Variants in STRBP observed in about 807,000 individuals in gnomAD.
STRBP encodes the protein spermatid perinuclear RNA binding protein.
In STRBP, 13 loss-of-function variants were observed where a neutral mutation model predicts 80.1. The ratio of observed to expected loss-of-function variants is 0.16; its 90% CI spans 0.11 to 0.26. The LOEUF is 0.26. STRBP is among the 10% of genes least tolerant of loss of function. STRBP has a pLI of 1.00. For synonymous variants in STRBP, 284 were observed against 291.2 expected (o/e 0.98, Z 0.25); for missense variants, 485 against 815.2 (o/e 0.59, Z 4.93).
At chr9:123,245,413 G>A (rs1343562625) in intron 1 of STRBP, among the ~76,000 whole-genome samples, 2 of 152,148 alleles carry the variant, frequency 1.3e-5, no homozygotes, top group Admixed American at 6.5e-5. Context: ...TGTTTGAGAC[G>A]TTGTCTCGCT....
At chr9:123,192,776 C>A (rs1357599367) in intron 2 of STRBP, among the ~76,000 whole-genome samples, 5 of 152,138 alleles carry the variant, frequency 3.3e-5, no homozygotes, top group African/African-American at 1.2e-4. Context: ...CTATACTATT[C>A]CCATTTCAGC....
intron 14 of STRBP, among the ~76,000 whole-genome samples, chr9:123,137,239 A>G (rs891601439): frequency 5.3e-5 from 8 of 152,364 alleles, no homozygotes; most frequent in African/African-American, 1.9e-4. Flanking sequence ...GGCTAGCATC[A>G]AAAGCAAACT....
chr9:123,211,044 C>A (rs2039690507), intron 2 of STRBP, among the ~76,000 whole-genome samples: 1 of 152,146 alleles, frequency 6.6e-6, no homozygotes, highest in Non-Finnish European at 1.5e-5. Flanking sequence ...CCTAGGTATA[C>A]ACTAAGAGAA....
At chr9:123,116,487 G>A (rs1038007154) in intron 2 of STRBP, among the ~76,000 whole-genome samples, 3 of 152,162 alleles carry the variant, frequency 2.0e-5, no homozygotes, top group African/African-American at 2.4e-5. Context: ...AGGCTGCCTG[G>A]CCCAGGGCTG....
intron 1 of STRBP, among the ~76,000 whole-genome samples, chr9:123,245,388 T>TTTTG (rs955029398): frequency 4.7e-4 from 72 of 152,292 alleles, no homozygotes; most frequent in Middle Eastern, 3.4e-3. Context: ...TTTTTGTTGT[T>TTTTG]TTTGTTTGTT....
chr9:123,247,095 A>C (rs922589610), intron 1 of STRBP, among the ~76,000 whole-genome samples: 1 of 152,144 alleles, frequency 6.6e-6, no homozygotes, highest in Non-Finnish European at 1.5e-5. Context: ...AAAAAATACC[A>C]ATCAATGAAT....
chr9:123,255,803 C>T (rs996974404), intron 1 of STRBP, among the ~76,000 whole-genome samples: 11 of 152,114 alleles, frequency 7.2e-5, no homozygotes, highest in South Asian at 4.1e-4. Context: ...TCAGAATCAT[C>T]ATCACCTGTA....
At chr9:123,146,283 G>A (rs1344842976) in intron 13 of STRBP, among the ~76,000 whole-genome samples, 2 of 151,460 alleles carry the variant, frequency 1.3e-5, no homozygotes, top group East Asian at 1.9e-4. Context: ...TATTCCCGAT[G>A]GAAATATTCT....
At chr9:123,158,270 A>G in intron 10 of STRBP, 62 bp downstream of exon 10, 1 of 1,579,054 alleles carries the variant, frequency 6.3e-7, no homozygotes, top group South Asian at 1.1e-5. Context: ...TTTGAACACA[A>G]TTGAGAAAAT....
At chr9:123,141,466 C>T (rs1323856063) in intron 13 of STRBP, among the ~76,000 whole-genome samples, 1 of 152,166 alleles carries the variant, frequency 6.6e-6, no homozygotes, top group Non-Finnish European at 1.5e-5. Context: ...ACCTTCTCCA[C>T]TGTCTGAGTC....
intron 2 of STRBP, among the ~76,000 whole-genome samples, chr9:123,206,994 G>A (rs952722667): frequency 3.9e-5 from 6 of 152,066 alleles, no homozygotes; most frequent in African/African-American, 7.2e-5. Flanking sequence ...CCAACTTTCC[G>A]TTTTTCTGTG....
intron 8 of STRBP, among the ~76,000 whole-genome samples, 153 bp from the exon 9 acceptor site, chr9:123,159,360 A>T (rs749972190): frequency 2.0e-4 from 31 of 152,218 alleles, no homozygotes; most frequent in Non-Finnish European, 4.0e-4. Flanking sequence ...CATGATTATC[A>T]ACCTTTACCC....
intron 1 of STRBP, among the ~76,000 whole-genome samples, chr9:123,256,103 G>A (rs1358592619): frequency 7.1e-6 from 1 of 140,508 alleles, no homozygotes; most frequent in African/African-American, 2.6e-5. Context: ...AGCTCACTAC[G>A]GCTTTAACCT....
At position 123,126,500 on chromosome 9, in the gene STRBP, C is replaced by T. The variant is rs1002544931; in HGVS notation, c.1943-827G>A. Among the ~76,000 whole-genome samples, 2 of 151,614 alleles carry T rather than the reference C, an allele frequency of 1.3e-5. No individual in the cohort carries two copies. Among genetic ancestry groups the T allele is most frequent in the South Asian group, 2.1e-4 (1 of 4,794 alleles). On this transcript the variant is annotated intron_variant, in intron 18 of 18. Transcript: ENST00000348403. This position sits in a 1 kb window ranked among gnomAD's most constrained non-coding sequence, Gnocchi z 4.4. ...AGCTTTGGAAGTCAGTTATATGGCA[C>T]GTGGAAGAGAGGAGCTTTCTGATGT...
In STRBP at chr9:123,110,571, A is replaced by C. The variant is rs2035548581; in HGVS notation, c.*85-818T>G. 2 of 169,598 alleles carry C rather than the reference A, an allele frequency of 1.2e-5. No individual in the cohort carries two copies. The highest frequency in any genetic ancestry group is 2.9e-5 in the Non-Finnish European group (2 of 68,312). The allele number at this position is 169,598 out of a possible 1,614,324, so 10.5% of individuals were successfully genotyped here. A position where few individuals can be genotyped will look rare whatever the true frequency, so the allele number is the denominator to read the frequency against. On this transcript the variant is annotated intron_variant and NMD_transcript_variant, in intron 3 of 3. Coordinates refer to the STRBP transcript ENST00000471564. This position sits in a 1 kb window ranked among gnomAD's most constrained non-coding sequence, Gnocchi z 4.1. ...GGATAAACACTGCTAGGAGCTAAAAAGTATATGGTGTCTGCCCAAGGAAAG... is the reference window on the plus strand; with the variant it reads ...GGATAAACACTGCTAGGAGCTAAAACGTATATGGTGTCTGCCCAAGGAAAG...
At chr9:123,263,607 A>G (rs894236622) in intron 1 of STRBP, among the ~76,000 whole-genome samples, 1 of 151,818 alleles carries the variant, frequency 6.6e-6, no homozygotes, top group African/African-American at 2.4e-5. Flanking sequence ...AAGGCTCTTT[A>G]CAACTTGTAA....
chr9:123,158,162 G>T, intron 10 of STRBP, 39 bp from the exon 11 acceptor site: 1 of 1,557,444 alleles, frequency 6.4e-7, no homozygotes, highest in Non-Finnish European at 8.8e-7. Flanking sequence ...CATTTCAATA[G>T]CCATTCATAA....
At chr9:123,203,117 G>A (rs999537025) in intron 2 of STRBP, among the ~76,000 whole-genome samples, 2 of 152,180 alleles carry the variant, frequency 1.3e-5, no homozygotes, top group South Asian at 4.1e-4. Flanking sequence ...ACTTTGGGAG[G>A]CTAAGATGGG....
intron 2 of STRBP, among the ~76,000 whole-genome samples, chr9:123,233,971 C>T (rs1313953837): frequency 2.6e-5 from 4 of 151,966 alleles, no homozygotes; most frequent in African/African-American, 9.7e-5. Context: ...GAGGCCAAGG[C>T]GGGCAGATCA....
Sources: allele counts gnomAD v4.1 joint callset (sites outside exome capture counted in the v4.1 genomes callset), GRCh38; gene constraint gnomAD v4.1.1; non-coding constraint Gnocchi (gnomAD v3.1); transcripts MANE v1.5; gene names NCBI Gene and HGNC (gene_info 2026-07-23, HGNC 2026-07-21).